The following DCP2 variants were observed in gnomAD, a reference collection of about 807,000 sequenced individuals.
The protein encoded by DCP2 is decapping mRNA 2, also known as m7GpppN-mRNA hydrolase.
DCP2 carries 30 observed loss-of-function variants against 56.1 expected under a neutral mutation model. That is an observed-to-expected ratio of 0.53 (90% CI 0.40 to 0.73). DCP2 has a LOEUF of 0.73. DCP2 is among the 30% of genes least tolerant of loss of function. The pLI is 0.00. For missense variants in DCP2, 533 were observed against 502.7 expected (o/e 1.06, Z -0.58); for synonymous variants, 197 against 163.3 (o/e 1.21, Z -1.57).
At chr5:113,012,833 G>A (rs1032350937) in intron 10 of DCP2, among the ~76,000 whole-genome samples, 1 of 151,478 alleles carries the variant, frequency 6.6e-6, no homozygotes, top group Admixed American at 6.6e-5. Flanking sequence ...TAGTAGAGAT[G>A]GGGTTTCACC....
At chr5:113,003,123 A>T (rs1212545272) in intron 7 of DCP2, among the ~76,000 whole-genome samples, 2 of 149,934 alleles carry the variant, frequency 1.3e-5, no homozygotes, top group African/African-American at 4.9e-5. Flanking sequence ...AAATGCCCTG[A>T]TGTCTTTCAG....
chr5:113,000,307 A>C (rs991532216), intron 4 of DCP2, among the ~76,000 whole-genome samples: 3 of 149,400 alleles, frequency 2.0e-5, no homozygotes, highest in African/African-American at 5.0e-5. Context: ...GGCTCAAGTG[A>C]TCCTCCCTCT....
At chr5:112,995,855 C>T (rs1479633337) in intron 4 of DCP2, among the ~76,000 whole-genome samples, 4 of 152,168 alleles carry the variant, frequency 2.6e-5, no homozygotes, top group Non-Finnish European at 4.4e-5. Context: ...GTGGCTTAAA[C>T]AAATTTATTT....
chr5:112,981,896 G>T (rs943116558), intron 1 of DCP2, among the ~76,000 whole-genome samples: 1 of 152,060 alleles, frequency 6.6e-6, no homozygotes, highest in South Asian at 2.1e-4. Flanking sequence ...TCATCCTCCC[G>T]AGTAGCTGGG....
At chr5:112,985,805 T>C (rs1175270733) in intron 1 of DCP2, 30 bp from the exon 2 acceptor site, 1 of 1,591,002 alleles carries the variant, frequency 6.3e-7, no homozygotes, top group Admixed American at 1.7e-5. Flanking sequence ...TTTGTAAATG[T>C]AATTTTTGTA....
rs1484079309 is a variant in DCP2, at chr5:113,006,140, T to A, written c.943-1798T>A. ...TCCAAAAAAAAAAAAAAAAAAAAAA[T>A]TTCGAAGCATGCTACAATATGGGTA... On this transcript the variant is annotated intron_variant, in intron 8 of 10. Transcript: ENST00000389063. Among the ~76,000 whole-genome samples, 10 of 142,348 alleles carry A rather than the reference T, an allele frequency of 7.0e-5. 1 individual carries two copies. The highest frequency in any genetic ancestry group is 2.2e-4 in the South Asian group (1 of 4,622). 93.4% of individuals were successfully genotyped at this position (142,348 alleles called of 152,430 possible). A position where few individuals can be genotyped will look rare whatever the true frequency, so the allele number is the denominator to read the frequency against.
chr5:113,012,149 A>G (rs918016707), intron 10 of DCP2, among the ~76,000 whole-genome samples: 2 of 152,198 alleles, frequency 1.3e-5, no homozygotes, highest in Admixed American at 6.5e-5. Context: ...GGACATTAAA[A>G]AAGGTACACC....
chr5:113,007,696 C>T (rs928922958), intron 8 of DCP2, among the ~76,000 whole-genome samples: 9 of 151,178 alleles, frequency 6.0e-5, no homozygotes, highest in African/African-American at 4.9e-5. Context: ...TGCGCCCGGC[C>T]GAGGTGTGGA....
chr5:112,980,549 A>G (rs950947361), intron 1 of DCP2, among the ~76,000 whole-genome samples: 2 of 151,434 alleles, frequency 1.3e-5, no homozygotes, highest in Non-Finnish European at 2.9e-5. Flanking sequence ...CTATTACTAT[A>G]TACACGTCCA....
At chr5:112,993,434 G>A (rs1748689447) in intron 4 of DCP2, among the ~76,000 whole-genome samples, 1 of 151,966 alleles carries the variant, frequency 6.6e-6, no homozygotes, top group Non-Finnish European at 1.5e-5. Flanking sequence ...AGACCAGCCT[G>A]ACCAACATGG....
Position 113,001,687 on chromosome 5 carries a change from A to G in DCP2, c.806+13A>G, listed in dbSNP as rs1320112963. On this transcript the variant is annotated intron_variant, in intron 7 of 10. Coordinates refer to ENST00000389063, the MANE Select transcript of DCP2 (RefSeq NM_152624.6). ...TGGAAAAATTGAGGTAAAGAAATAC[A>G]TTCATGGAATCCTGATTTTCTAATA... 1.3e-6 allele frequency: 2 copies of G among 1,599,208 alleles called. No individual in the cohort carries two copies. Among genetic ancestry groups the G allele is most frequent in the Non-Finnish European group, 8.6e-7 (1 of 1,166,742 alleles).
intron 4 of DCP2, among the ~76,000 whole-genome samples, chr5:112,999,878 T>A (rs1749059978): frequency 6.6e-6 from 1 of 151,356 alleles, no homozygotes. Context: ...CTGGCCAACA[T>A]GGTGAAACCC....
intron 8 of DCP2, among the ~76,000 whole-genome samples, chr5:113,007,400 CTTT>C (rs869106469): frequency 1.0e-4 from 5 of 48,978 alleles, no homozygotes; most frequent in South Asian, 6.9e-4. Context: ...TTCTTTCTTT[CTTT>C]TTTTTTTTTT....
Position 113,004,038 on chromosome 5 carries a change from T to C in DCP2, c.903T>C (p.Tyr301=). The change falls in exon 8 of 11, where the codon TAT becomes TAC. Residue 301 remains tyrosine, a synonymous_variant. Transcript: ENST00000389063. ...KHRQPLQQKP[Y]NNHSEMSDLL... ...GGCAACCACTGCAGCAAAAGCCATATAATAATCATTCTGAAATGTCTGACC... is the reference window on the plus strand; with the variant it reads ...GGCAACCACTGCAGCAAAAGCCATACAATAATCATTCTGAAATGTCTGACC... 1 of 1,614,152 alleles carries C rather than the reference T, an allele frequency of 6.2e-7. No individual in the cohort carries two copies. The highest frequency in any genetic ancestry group is 8.5e-7 in the Non-Finnish European group (1 of 1,179,992).
chr5:112,981,305 G>C (rs937549302), intron 1 of DCP2, among the ~76,000 whole-genome samples: 10 of 151,914 alleles, frequency 6.6e-5, no homozygotes, highest in African/African-American at 2.4e-4. Context: ...CTACCATGCT[G>C]GCCCCTTTGT....
At chr5:113,013,248 A>C (rs1333568070) in intron 10 of DCP2, 73 bp from the exon 11 acceptor site, 1 of 1,479,346 alleles carries the variant, frequency 6.8e-7, no homozygotes, top group Non-Finnish European at 9.1e-7. Flanking sequence ...GTTTTGTAAC[A>C]AAAGGCAAAG....
Position 112,992,237 on chromosome 5 carries a change from A to G in DCP2, c.322A>G (p.Thr108Ala). 6.2e-7 allele frequency: 1 copy of G among 1,611,096 alleles called. No individual in the cohort carries two copies. The highest frequency in any genetic ancestry group is 1.3e-5 in the African/African-American group (1 of 74,904). ...ATATGGTGCAATTATTCTTGATGAG[A>G]CACTTGAAAATGTGAGTGTAATGAA... is the stretch of plus-strand genomic sequence containing the variant. The part of the protein sequence containing the change: ...PTYGAIILDE[T>A]LENVLLVQGY... The change falls in exon 3 of 11, where the codon ACA becomes GCA. Residue 108 changes from threonine (T) to alanine (A), a missense_variant. By Grantham distance (58) the Thr-to-Ala change is moderately conservative. Coordinates refer to ENST00000389063, the MANE Select transcript of DCP2 (RefSeq NM_152624.6).
intron 8 of DCP2, among the ~76,000 whole-genome samples, chr5:113,006,762 A>G (rs922519992): frequency 1.3e-5 from 2 of 152,190 alleles, no homozygotes; most frequent in African/African-American, 2.4e-5. Context: ...TTGGTAGGAA[A>G]ATTATCTTAA....
chr5:113,004,175 C>T (rs1291388725), intron 8 of DCP2, 98 bp downstream of exon 8: 2 of 1,343,788 alleles, frequency 1.5e-6, no homozygotes, highest in African/African-American at 1.5e-5. Context: ...TTACAGAGAG[C>T]TCTGAGTTAC....
Sources: gnomAD v4.1 joint callset for allele counts (sites outside exome capture counted in the v4.1 genomes callset) on GRCh38, gnomAD v4.1.1 for gene constraint, MANE v1.5 for transcripts, NCBI Gene and HGNC (gene_info 2026-07-23, HGNC 2026-07-21) for gene names.